Variants in PTPRD observed in about 807,000 individuals in gnomAD.
PTPRD encodes protein tyrosine phosphatase receptor type D, also known as receptor-type tyrosine-protein phosphatase delta.
In PTPRD, 34 loss-of-function variants were observed where a neutral mutation model predicts 214.5. The ratio of observed to expected loss-of-function variants is 0.16; its 90% CI spans 0.12 to 0.21. The LOEUF is 0.21. PTPRD is among the 10% of genes least tolerant of loss of function. The probability of loss-of-function intolerance (pLI) is 1.00; values close to 1 mark genes in which losing one functional copy is unlikely to be tolerated. For synonymous variants in PTPRD, 1,128 were observed against 845.7 expected, an observed-to-expected ratio of 1.33 and a Z score of -5.79; for missense variants, 2,545 against 2,398.7, an observed-to-expected ratio of 1.06 and a Z score of -1.27.
rs114955965 is a variant in PTPRD, at chr9:8,969,232, G to A, written c.-104+49465C>T. Among the ~76,000 whole-genome samples the A allele has an allele frequency of 5.7e-3, 867 of 152,156 alleles. 2 individuals are homozygous for A. The highest frequency in any genetic ancestry group is 0.019 in the African/African-American group (799 of 41,534). On this transcript the variant is annotated intron_variant, in intron 11 of 45. Coordinates refer to ENST00000381196, the MANE Select transcript of PTPRD (RefSeq NM_002839.4). ...AAATTAAAAAGCCGAATCGTGCCAA[G>A]TGTTGGCAGGGTTACAGGTGCCCTC...
chr9:9,459,283 G>C (rs775777492), intron 8 of PTPRD, among the ~76,000 whole-genome samples: 2 of 151,972 alleles, frequency 1.3e-5, no homozygotes, highest in Non-Finnish European at 2.9e-5. Flanking sequence ...TTCCCACTAA[G>C]AACAGAAACA....
intron 7 of PTPRD, among the ~76,000 whole-genome samples, chr9:9,603,080 T>C (rs768857322): frequency 6.2e-4 from 95 of 152,102 alleles, no homozygotes; most frequent in Non-Finnish European, 7.2e-4. Context: ...GTGAACGTAA[T>C]GATTAGGATA....
chr9:10,360,249 G>A (rs989865791), intron 2 of PTPRD, among the ~76,000 whole-genome samples: 1 of 152,174 alleles, frequency 6.6e-6, no homozygotes, highest in African/African-American at 2.4e-5. Context: ...ATCAATCCTG[G>A]CTTCAGTTTC....
chr9:8,908,111 A>G (rs115020757), intron 11 of PTPRD, among the ~76,000 whole-genome samples: 34 of 152,340 alleles, frequency 2.2e-4, no homozygotes, highest in African/African-American at 8.2e-4. Context: ...CTGACTTTTT[A>G]TTACAAACAA....
At chr9:8,815,414 A>G (rs1402597791) in intron 11 of PTPRD, among the ~76,000 whole-genome samples, 4 of 152,216 alleles carry the variant, frequency 2.6e-5, no homozygotes, top group Non-Finnish European at 5.9e-5. Context: ...CTTTCCCAAT[A>G]GTTTGTTTAA....
At chr9:9,325,832 T>C (rs947047407) in intron 9 of PTPRD, among the ~76,000 whole-genome samples, 3 of 152,240 alleles carry the variant, frequency 2.0e-5, no homozygotes, top group African/African-American at 7.2e-5. Context: ...TGTGGGCTTG[T>C]CATAAATAAC....
At chr9:9,222,819 G>T (rs2099957042) in intron 9 of PTPRD, among the ~76,000 whole-genome samples, 1 of 151,810 alleles carries the variant, frequency 6.6e-6, no homozygotes, top group Non-Finnish European at 1.5e-5. Flanking sequence ...AAATTTGAAG[G>T]AATATATTTT....
intron 11 of PTPRD, among the ~76,000 whole-genome samples, chr9:8,878,743 G>C (rs1389045277): frequency 6.6e-6 from 1 of 152,116 alleles, no homozygotes; most frequent in African/African-American, 2.4e-5. Flanking sequence ...TGCCCTGCTG[G>C]TCTTGAATGC....
At chr9:10,309,479 A>C (rs965427375) in intron 3 of PTPRD, among the ~76,000 whole-genome samples, 14 of 150,300 alleles carry the variant, frequency 9.3e-5, no homozygotes, top group African/African-American at 3.4e-4. Context: ...CAGCCTCCTG[A>C]GTAGCTCGGA....
At chr9:10,247,535 C>G (rs1028891915) in intron 3 of PTPRD, among the ~76,000 whole-genome samples, 8 of 152,142 alleles carry the variant, frequency 5.3e-5, no homozygotes, top group Non-Finnish European at 1.0e-4. Flanking sequence ...TGATCCAACA[C>G]TTTATAAATT....
intron 36 of PTPRD, among the ~76,000 whole-genome samples, chr9:8,391,467 C>A (rs2089530848): frequency 6.6e-6 from 1 of 152,082 alleles, no homozygotes; most frequent in South Asian, 2.1e-4. Flanking sequence ...CTCCCCAACA[C>A]CAGATTACTG....
intron 2 of PTPRD, among the ~76,000 whole-genome samples, chr9:10,445,826 T>C (rs1375937612): frequency 6.6e-6 from 1 of 152,002 alleles, no homozygotes; most frequent in East Asian, 1.9e-4. Context: ...TGAAAGCAAG[T>C]GAGGTCTACT....
intron 14 of PTPRD, among the ~76,000 whole-genome samples, chr9:8,600,958 G>C (rs573384071): frequency 1.5e-4 from 23 of 152,196 alleles, no homozygotes; most frequent in African/African-American, 5.1e-4. Flanking sequence ...CACCAGGCAG[G>C]CTCTCCGGGT....
chr9:8,894,522 G>A (rs950321673), intron 11 of PTPRD, among the ~76,000 whole-genome samples: 1 of 152,028 alleles, frequency 6.6e-6, no homozygotes, highest in Non-Finnish European at 1.5e-5. Flanking sequence ...TGGGGGTTGG[G>A]GGGTGCTTAG....
intron 11 of PTPRD, among the ~76,000 whole-genome samples, chr9:8,849,829 C>T (rs1461640847): frequency 6.6e-6 from 1 of 152,086 alleles, no homozygotes; most frequent in South Asian, 2.1e-4. Flanking sequence ...GAGTATTGAG[C>T]ACTTGATCAA....
At chr9:9,927,293 C>G (rs539051711) in intron 5 of PTPRD, among the ~76,000 whole-genome samples, 86 of 152,250 alleles carry the variant, frequency 5.6e-4, no homozygotes, top group Middle Eastern at 3.4e-3. Flanking sequence ...CTAAATCAAT[C>G]TCTGTGTTTT....
intron 2 of PTPRD, among the ~76,000 whole-genome samples, chr9:10,493,850 G>C (rs931112514): frequency 2.9e-4 from 44 of 151,822 alleles, no homozygotes; most frequent in Non-Finnish European, 4.4e-5. Context: ...CTTTTACCTA[G>C]AATACTATTA....
chr9:10,395,459 C>A (rs971617566), intron 2 of PTPRD, among the ~76,000 whole-genome samples: 1 of 151,632 alleles, frequency 6.6e-6, no homozygotes, highest in Non-Finnish European at 1.5e-5. Flanking sequence ...GTCACCATGC[C>A]CTTTATTTCT....
intron 2 of PTPRD, among the ~76,000 whole-genome samples, chr9:10,601,668 G>A (rs1194628499): frequency 6.6e-6 from 1 of 151,594 alleles, no homozygotes; most frequent in Non-Finnish European, 1.5e-5. Context: ...TATTATTGCT[G>A]ATGTGTTAAA....
Sources: gnomAD v4.1 joint callset for allele counts (sites outside exome capture counted in the v4.1 genomes callset) on GRCh38, gnomAD v4.1.1 for gene constraint, MANE v1.5 for transcripts, NCBI Gene and HGNC (gene_info 2026-07-23, HGNC 2026-07-21) for gene names.